Variants in NACC1 observed in about 807,000 individuals in gnomAD.
NACC1 encodes nucleus accumbens-associated protein 1.
In NACC1, 6 loss-of-function variants were observed where a neutral mutation model predicts 41.7. The ratio of observed to expected loss-of-function variants is 0.14; its 90% CI spans 0.08 to 0.28. The LOEUF (loss-of-function observed/expected upper bound fraction) is 0.28, where lower values mean the gene tolerates loss of function less well. NACC1 is among the 10% of genes least tolerant of loss of function. NACC1 has a pLI of 1.00. For missense variants in NACC1, 434 were observed against 763.7 expected (o/e 0.57, Z 5.09); for synonymous variants, 338 against 330.6 (o/e 1.02, Z -0.24).
Position 13,135,339 on chromosome 19 carries a change from C to T in NACC1, c.132C>T (p.His44=), listed in dbSNP as rs145040600. 6.2e-7 allele frequency: 1 copy of T among 1,613,590 alleles called. No individual in the cohort carries two copies. The highest frequency in any genetic ancestry group is 1.3e-5 in the African/African-American group (1 of 74,956). The change falls in exon 2 of 6, where the codon CAC becomes CAT. Residue 44 remains histidine (H), a synonymous_variant. Coordinates refer to ENST00000292431, the MANE Select transcript of NACC1 (RefSeq NM_052876.4). ...TCAAGGGCCATGCCTTCAAGGCCCACCGGGCCGTGCTTGCTGCCAGCAGCT... is the reference window on the plus strand; with the variant it reads ...TCAAGGGCCATGCCTTCAAGGCCCATCGGGCCGTGCTTGCTGCCAGCAGCT... The part of the protein sequence containing the change: ...VVVKGHAFKA[H]RAVLAASSSY...
At position 13,135,444 on chromosome 19, in the gene NACC1, G is replaced by C; in HGVS notation, c.237G>C (p.Gln79His). 6.2e-7 allele frequency: 1 copy of C among 1,613,122 alleles called. No homozygotes were observed. Among genetic ancestry groups the C allele is most frequent in the South Asian group, 1.1e-5 (1 of 91,046 alleles). The change falls in exon 2 of 6, where the codon CAG becomes CAC. Residue 79 changes from glutamine (Q) to histidine (H), a missense_variant. Around this residue, in one of 4 missense-constraint regions of NACC1, gnomAD observed 67 missense variants for 180.1 expected, o/e 0.37. Coordinates refer to ENST00000292431, the MANE Select transcript of NACC1 (RefSeq NM_052876.4). Reference sequence around the variant, plus strand: ...CGGCTGTGCAGCCCCAGTCTTTCCAGCAGATCCTCAGCTTCTGCTACACGG... The same window carrying C: ...CGGCTGTGCAGCCCCAGTCTTTCCACCAGATCCTCAGCTTCTGCTACACGG... ...LPAAVQPQSF[Q>H]QILSFCYTGR...
chr19:13,137,257 C>T lies in NACC1; in HGVS notation c.1121-14C>T, dbSNP rs765643095. 6.2e-7 allele frequency: 1 copy of T among 1,611,464 alleles called. No homozygotes were observed. The highest frequency in any genetic ancestry group is 2.3e-5 in the East Asian group (1 of 44,312). ...GGGGGCACCCCAGGCCATCCTCCGGCTTCCTCTCACCAGGCACCAACGTGT... is the reference window on the plus strand; with the variant it reads ...GGGGGCACCCCAGGCCATCCTCCGGTTTCCTCTCACCAGGCACCAACGTGT... On this transcript the variant is annotated splice_polypyrimidine_tract_variant and intron_variant, in intron 3 of 5. Transcript: ENST00000292431. The surrounding 1 kb of genome is among the most constrained non-coding windows in gnomAD (Gnocchi z 6.1).
chr19:13,122,115 C>T (rs1431740227), intron 1 of NACC1, among the ~76,000 whole-genome samples: 1 of 152,178 alleles, frequency 6.6e-6, no homozygotes, highest in South Asian at 2.1e-4. Flanking sequence ...CCAGCCGAGC[C>T]GGCAGAGGTG....
At chr19:13,130,196 C>T (rs1353843933) in intron 1 of NACC1, among the ~76,000 whole-genome samples, 2 of 152,122 alleles carry the variant, frequency 1.3e-5, no homozygotes, top group Non-Finnish European at 1.5e-5. Context: ...CCCACCTGAG[C>T]CTCCCAAGTA....
chr19:13,130,535 C>CTTTTTTTTT (rs34032574), intron 1 of NACC1, among the ~76,000 whole-genome samples: 1 of 128,620 alleles, frequency 7.8e-6, no homozygotes, highest in East Asian at 2.1e-4. Context: ...TTTTTCTTTT[C>CTTTTTTTTT]TTTTTTTTTT....
rs904959545 is a variant in NACC1 at position 13,122,535 on chromosome 19, G to T, written c.-9+4081G>T. ...TGGTTGCCCCTGCCGGGGGGGGGGG[G>T]GTGTGCTGCTGGCATCTAGTGGGTT... On this transcript the variant is annotated intron_variant, in intron 1 of 5. Transcript: ENST00000292431. 1.7e-3 allele frequency among the ~76,000 whole-genome samples: 245 copies of T among 145,294 alleles called. 3 individuals are homozygous for T. Among genetic ancestry groups the T allele is most frequent in the Non-Finnish European group, 1.8e-3 (116 of 66,224 alleles).
intron 1 of NACC1, among the ~76,000 whole-genome samples, chr19:13,127,333 CAAAAA>C (rs59958429): frequency 2.5e-5 from 1 of 40,126 alleles, no homozygotes; most frequent in Non-Finnish European, 4.0e-5. Flanking sequence ...ACGTCTCTAC[CAAAAA>C]AAAAAAAAAA....
At chr19:13,120,199 C>T (rs189391783) in intron 1 of NACC1, among the ~76,000 whole-genome samples, 20 of 152,288 alleles carry the variant, frequency 1.3e-4, no homozygotes, top group Admixed American at 1.2e-3. Context: ...CCCTTCTTCC[C>T]CATTTCCCTC....
intron 1 of NACC1, among the ~76,000 whole-genome samples, chr19:13,132,164 C>T (rs1041557677): frequency 4.1e-5 from 4 of 97,452 alleles, no homozygotes; most frequent in African/African-American, 1.9e-4. Context: ...TGCCTGTAAT[C>T]CTACACTTTG....
rs892611351 is a variant in NACC1 at position 13,118,428 on chromosome 19, A to T, written c.-35A>T. 8.1e-5 allele frequency: 12 copies of T among 148,086 alleles called. No individual in the cohort carries two copies. Among genetic ancestry groups the T allele is most frequent in the African/African-American group, 2.7e-4 (11 of 40,516 alleles). 9.2% of individuals were successfully genotyped at this position (148,086 alleles called of 1,614,324 possible). On this transcript the variant is annotated 5_prime_UTR_variant, in exon 1 of 6. Coordinates refer to ENST00000292431, the MANE Select transcript of NACC1 (RefSeq NM_052876.4). ...AGCCGCCGCTGCGGAGCCCGCCGGG[A>T]CCCCCCGGAGCGCGGCCACGGCGCA...
intron 1 of NACC1, among the ~76,000 whole-genome samples, chr19:13,124,200 G>A (rs2019534549): frequency 6.6e-6 from 1 of 152,144 alleles, no homozygotes; most frequent in South Asian, 2.1e-4. Flanking sequence ...GGAGTTTTGA[G>A]ACCAGCCTGG....
At chr19:13,117,268 T>C (rs1025407487), upstream of NACC1, among the ~76,000 whole-genome samples, 1 of 152,232 alleles carries the variant, frequency 6.6e-6, no homozygotes, top group African/African-American at 2.4e-5. Flanking sequence ...GCTACCTGGG[T>C]TCCAGTCTCA....
Position 13,136,519 on chromosome 19 carries a change from T to C in NACC1, c.1120+114T>C. 1 of 1,287,658 alleles carries C rather than the reference T, an allele frequency of 7.8e-7. No individual in the cohort carries two copies. The allele number at this position is 1,287,658 out of a possible 1,614,324, so 79.8% of individuals were successfully genotyped here. On this transcript the variant is annotated intron_variant, in intron 3 of 5. Transcript: ENST00000292431. This position sits in a 1 kb window ranked among gnomAD's most constrained non-coding sequence, Gnocchi z 5.5. ...AGCACCTCAGTTTCCCTATCTGTGC[T>C]GTAGTGTTGGTAACAGCCACCCTAA...
At chr19:13,125,260 G>C (rs1239160139) in intron 1 of NACC1, among the ~76,000 whole-genome samples, 2 of 152,166 alleles carry the variant, frequency 1.3e-5, no homozygotes, top group African/African-American at 4.8e-5. Context: ...AGCAGATTCC[G>C]TGTCTAGTGA....
chr19:13,133,022 G>A (rs1242437957), intron 1 of NACC1, among the ~76,000 whole-genome samples: 1 of 152,184 alleles, frequency 6.6e-6, no homozygotes, highest in Non-Finnish European at 1.5e-5. Flanking sequence ...TAGGAGGAGA[G>A]TGGCCACTGT....
intron 1 of NACC1, among the ~76,000 whole-genome samples, chr19:13,132,097 G>A (rs796477755): frequency 6.6e-5 from 10 of 151,734 alleles, no homozygotes; most frequent in Admixed American, 5.9e-4. Flanking sequence ...CCGACCTCAG[G>A]TGATCCACCT....
chr19:13,118,615 G>A (rs988954974), intron 1 of NACC1, among the ~76,000 whole-genome samples, 161 bp downstream of exon 1: 2 of 151,608 alleles, frequency 1.3e-5, no homozygotes, highest in African/African-American at 4.8e-5. Context: ...CAGCTACCGC[G>A]GGCGGCCTTG....
chr19:13,132,204 T>G (rs2019641322), intron 1 of NACC1: 1 of 151,188 alleles, frequency 6.6e-6, no homozygotes, highest in Non-Finnish European at 1.5e-5. Flanking sequence ...TCATTTGAGG[T>G]CAGTAGTTCA....
chr19:13,131,088 G>A (rs911490175), intron 1 of NACC1, among the ~76,000 whole-genome samples: 7 of 152,082 alleles, frequency 4.6e-5, no homozygotes, highest in African/African-American at 1.7e-4. Context: ...CATCTGCTTG[G>A]TTGACATACC....
Sources: allele counts gnomAD v4.1 joint callset (sites outside exome capture counted in the v4.1 genomes callset), GRCh38; gene constraint gnomAD v4.1.1; regional missense constraint gnomAD v4.1.1; non-coding constraint Gnocchi (gnomAD v3.1); transcripts MANE v1.5; gene names NCBI Gene and HGNC (gene_info 2026-07-23, HGNC 2026-07-21).